RIMKLB: variants seen among roughly 807,000 people sequenced by gnomAD.
The protein encoded by RIMKLB is ribosomal modification protein rimK like family member B.
In RIMKLB, 7 loss-of-function variants were observed where a neutral mutation model predicts 32.0. The observed-to-expected ratio is 0.22, with a 90% confidence interval of 0.12 to 0.41. RIMKLB has a LOEUF of 0.41. Ranked by LOEUF, RIMKLB falls within the 10% of genes least tolerant of loss-of-function variation. The pLI, the probability that RIMKLB is intolerant of heterozygous loss-of-function variation, is 1.00. For missense variants in RIMKLB, 289 were observed against 498.7 expected (o/e 0.58, Z 4.00); for synonymous variants, 172 against 185.1 (o/e 0.93, Z 0.57).
the RIMKLB span, among the ~76,000 whole-genome samples, chr12:8,670,515 C>T: frequency 6.6e-6 from 1 of 152,218 alleles, no homozygotes; most frequent in Non-Finnish European, 1.5e-5. Flanking sequence ...CCCATCCAGG[C>T]CACAGTGATA....
chr12:8,732,768 C>T (rs925841436), intron 2 of RIMKLB, among the ~76,000 whole-genome samples: 117 of 151,632 alleles, frequency 7.7e-4, no homozygotes, highest in Admixed American at 2.3e-3. Flanking sequence ...CACACACACA[C>T]ACACACACAC....
At chr12:8,762,660 T>A (rs6487361) in intron 5 of RIMKLB, among the ~76,000 whole-genome samples, 12,537 of 152,214 alleles carry the variant, frequency 0.082, 1,708 homozygotes, top group African/African-American at 0.28. Flanking sequence ...AGCATATTAG[T>A]GTCTGTATAT....
At chr12:8,701,744 C>T (rs1943421534) in intron 1 of RIMKLB, among the ~76,000 whole-genome samples, 1 of 151,514 alleles carries the variant, frequency 6.6e-6, no homozygotes, top group Admixed American at 6.6e-5. Context: ...GTGGCTCACA[C>T]CTGTAATCCC....
chr12:8,724,842 T>TA (rs1367613022), intron 2 of RIMKLB, among the ~76,000 whole-genome samples: 1 of 152,178 alleles, frequency 6.6e-6, no homozygotes, highest in African/African-American at 2.4e-5. Context: ...CACTGGGTTT[T>TA]ACTGATATAG....
chr12:8,754,588 T>C (rs997594982), intron 5 of RIMKLB, among the ~76,000 whole-genome samples: 5 of 152,204 alleles, frequency 3.3e-5, no homozygotes, highest in African/African-American at 1.2e-4. Context: ...CTTAGTAATC[T>C]TGTACAGCTC....
chr12:8,774,082 T>C lies in RIMKLB; in HGVS notation c.*298T>C. ...ATGCTCATAGGCCATGAGGAACAAATACTTTTTTTTTTTCATGGTCCCTTG... is the reference window on the plus strand; with the variant it reads ...ATGCTCATAGGCCATGAGGAACAAACACTTTTTTTTTTTCATGGTCCCTTG... On this transcript the variant is annotated 3_prime_UTR_variant, in exon 6 of 6. Coordinates refer to ENST00000535829, the MANE Select transcript of RIMKLB (RefSeq NM_001297776.2). 1 of 1,103,758 alleles carries C rather than the reference T, an allele frequency of 9.1e-7. No homozygotes were observed. Among genetic ancestry groups the C allele is most frequent in the African/African-American group, 1.6e-5 (1 of 61,106 alleles). The allele number at this position is 1,103,758 out of a possible 1,614,324, so 68.4% of individuals were successfully genotyped here.
upstream of RIMKLB, among the ~76,000 whole-genome samples, chr12:8,696,134 GTTAA>G (rs1942882247): frequency 6.6e-6 from 1 of 151,898 alleles, no homozygotes; most frequent in African/African-American, 2.4e-5. Flanking sequence ...GAAGGAATAG[GTTAA>G]TTAAATATTA....
chr12:8,721,806 C>T (rs138147311), intron 2 of RIMKLB, among the ~76,000 whole-genome samples: 10 of 152,136 alleles, frequency 6.6e-5, no homozygotes, highest in African/African-American at 1.7e-4. Context: ...TGCAGTGGCA[C>T]GATCTTGGCT....
chr12:8,691,571 A>C (rs1204374783), intron 1 of RIMKLB, among the ~76,000 whole-genome samples: 1 of 152,128 alleles, frequency 6.6e-6, no homozygotes, highest in East Asian at 1.9e-4. Context: ...GAGCCACTGC[A>C]CTCCCGCCTG....
At chr12:8,744,134 A>G (rs897140212) in intron 2 of RIMKLB, among the ~76,000 whole-genome samples, 4 of 151,986 alleles carry the variant, frequency 2.6e-5, no homozygotes, top group African/African-American at 9.7e-5. Context: ...CAAAGGCATG[A>G]GTGATATTTG....
intron 2 of RIMKLB, among the ~76,000 whole-genome samples, chr12:8,725,941 A>G (rs1387408271): frequency 6.6e-6 from 1 of 152,094 alleles, no homozygotes; most frequent in African/African-American, 2.4e-5. Context: ...TCCGCCTTCC[A>G]GGTTCAAGCG....
rs58187682 is a variant in RIMKLB at position 8,748,519 on chromosome 12, CGTGTGTGTGT to C, written c.176-1313_176-1304del. On this transcript the variant is annotated intron_variant, in intron 2 of 5. Coordinates refer to ENST00000535829, the MANE Select transcript of RIMKLB (RefSeq NM_001297776.2). ...CCCCCACAGACAAGGTGGGATTATT[CGTGTGTGTGT>C]GTGTGTGTGTGTGTGTGTGTGTGTG... Among the ~76,000 whole-genome samples the C allele has an allele frequency of 6.4e-3, 836 of 131,282 alleles. 14 individuals are homozygous for C. The highest frequency in any genetic ancestry group is 0.022 in the African/African-American group (741 of 33,592). The allele number at this position is 131,282 out of a possible 152,430, so 86.1% of individuals were successfully genotyped here. A position where few individuals can be genotyped will look rare whatever the true frequency, so the allele number is the denominator to read the frequency against.
chr12:8,738,006 G>A (rs761486006), intron 2 of RIMKLB, among the ~76,000 whole-genome samples: 17 of 152,096 alleles, frequency 1.1e-4, no homozygotes, highest in Non-Finnish European at 1.9e-4. Context: ...GAGCCACTGC[G>A]CCTGGCCCAT....
chr12:8,762,542 C>T (rs1419296949), intron 5 of RIMKLB, among the ~76,000 whole-genome samples: 1 of 152,146 alleles, frequency 6.6e-6, no homozygotes, highest in Non-Finnish European at 1.5e-5. Context: ...GGTTTCTGTA[C>T]AGCCAAGAAT....
intron 5 of RIMKLB, among the ~76,000 whole-genome samples, chr12:8,755,620 T>G (rs1355759240): frequency 6.6e-6 from 1 of 152,208 alleles, no homozygotes; most frequent in Non-Finnish European, 1.5e-5. Flanking sequence ...TTAAGGGGTC[T>G]TCTTGCTTCT....
At chr12:8,703,333 A>T (rs1943568771) in intron 1 of RIMKLB, among the ~76,000 whole-genome samples, 1 of 152,142 alleles carries the variant, frequency 6.6e-6, no homozygotes, top group African/African-American at 2.4e-5. Context: ...GGATTCCAGA[A>T]GAACTTTTTT....
At chr12:8,695,060 A>G (rs1338296738), upstream of RIMKLB, among the ~76,000 whole-genome samples, 1 of 152,194 alleles carries the variant, frequency 6.6e-6, no homozygotes, top group African/African-American at 2.4e-5. Context: ...ACTGAGGTTT[A>G]TGGAAGTTAA....
chr12:8,698,936 A>G (rs1943125371), intron 1 of RIMKLB, among the ~76,000 whole-genome samples: 1 of 149,448 alleles, frequency 6.7e-6, no homozygotes, highest in South Asian at 2.1e-4. Flanking sequence ...TGTAAATATT[A>G]CACTACTTGC....
chr12:8,778,914 C>T (rs1950886370), downstream of RIMKLB: 1 of 152,182 alleles, frequency 6.6e-6, no homozygotes, highest in Non-Finnish European at 1.5e-5. Flanking sequence ...TGAAGGAAGA[C>T]ATGTGATAAG....
Sources: allele counts gnomAD v4.1 joint callset (sites outside exome capture counted in the v4.1 genomes callset), GRCh38; gene constraint gnomAD v4.1.1; transcripts MANE v1.5; gene names NCBI Gene and HGNC (gene_info 2026-07-23, HGNC 2026-07-21).